The following ATXN7 variants were observed in gnomAD, a reference collection of about 807,000 sequenced individuals.
The protein encoded by ATXN7 is ataxin 7.
Under a neutral mutation model 70.5 loss-of-function variants are expected in ATXN7, and 12 were observed. The observed-to-expected ratio is 0.17, with a 90% CI of 0.11 to 0.28. ATXN7 has a LOEUF of 0.28. ATXN7 is among the 10% of genes least tolerant of loss of function. ATXN7 has a pLI of 1.00. For synonymous variants in ATXN7, 498 were observed against 448.7 expected (o/e 1.11, Z -1.39); for missense variants, 1,256 against 1,131.7 (o/e 1.11, Z -1.58).
At position 63,931,315 on chromosome 3, in the gene ATXN7, C is replaced by G. The variant is rs368947220; in HGVS notation, c.394+18090C>G. On this transcript the variant is annotated intron_variant, in intron 4 of 12. Coordinates refer to ENST00000674280, the MANE Select transcript of ATXN7 (RefSeq NM_001377405.1). Reference sequence around the variant, plus strand: ...TACTAACTTGTAAACACCCGCCCCCCCAAAAAAAAGTAGAGGAGAAAGCAT... The same window carrying G: ...TACTAACTTGTAAACACCCGCCCCCGCAAAAAAAAGTAGAGGAGAAAGCAT... Among the ~76,000 whole-genome samples the G allele has an allele frequency of 5.3e-5, 8 of 151,952 alleles. No individual in the cohort carries two copies. In the East Asian group the frequency reaches 1.4e-3, roughly 26 times the overall value.
At chr3:63,913,011 G>A in intron 3 of ATXN7, 88 bp downstream of exon 3, 2 of 808,516 alleles carry the variant, frequency 2.5e-6, no homozygotes, top group South Asian at 2.0e-5. Flanking sequence ...CCTGTGACCC[G>A]CCCCCTCGAG....
rs951146602 is a variant in ATXN7 at position 63,992,998 on chromosome 3, G to A, written c.1682+2139G>A. Among the ~76,000 whole-genome samples the A allele has an allele frequency of 3.9e-5, 6 of 152,218 alleles. No homozygotes were observed. The East Asian group carries it at 5.8e-4, about 15-fold the overall frequency. On this transcript the variant is annotated intron_variant, in intron 11 of 12. Coordinates refer to ENST00000674280, the MANE Select transcript of ATXN7 (RefSeq NM_001377405.1). ...AAAGTGATCCAGGTCCCACCCTACC[G>A]GCTCAGCCCAAAATCCTTCCTTACA...
At chr3:63,893,684 C>T (rs1223730778) in intron 1 of ATXN7, among the ~76,000 whole-genome samples, 1 of 152,200 alleles carries the variant, frequency 6.6e-6, no homozygotes, top group African/African-American at 2.4e-5. Context: ...GTTACTGGAG[C>T]CCTTCCTCAC....
At position 64,000,694 on chromosome 3, in the gene ATXN7, T is replaced by G. The variant is rs368937006; in HGVS notation, c.*1227T>G. The G allele has an allele frequency of 6.6e-6, 1 of 152,288 alleles. No individual in the cohort carries two copies. Among genetic ancestry groups the G allele is most frequent in the East Asian group, 1.9e-4 (1 of 5,156 alleles). 9.4% of individuals were successfully genotyped at this position (152,288 alleles called of 1,614,324 possible). ...TGTAAGTCCTGACCTGAAGGTCTTTTGTGATGCATGTATAGGATTGCCCTG... is the reference window on the plus strand; with the variant it reads ...TGTAAGTCCTGACCTGAAGGTCTTTGGTGATGCATGTATAGGATTGCCCTG... On this transcript the variant is annotated 3_prime_UTR_variant, in exon 13 of 13. Coordinates refer to ENST00000674280, the MANE Select transcript of ATXN7 (RefSeq NM_001377405.1).
intron 12 of ATXN7, chr3:63,997,625 T>C (rs2075781873): frequency 6.4e-7 from 1 of 1,551,670 alleles, no homozygotes; most frequent in Non-Finnish European, 8.7e-7. Flanking sequence ...CATCAGGATA[T>C]CTCCTCACCT....
chr3:63,948,667 C>T lies in ATXN7; in HGVS notation c.395-3712C>T, dbSNP rs576594203. Among the ~76,000 whole-genome samples the T allele has an allele frequency of 6.6e-5, 10 of 152,270 alleles. No homozygotes were observed. The South Asian group carries it at 2.1e-3, about 32-fold the overall frequency. On this transcript the variant is annotated intron_variant, in intron 4 of 12. Coordinates refer to ENST00000674280, the MANE Select transcript of ATXN7 (RefSeq NM_001377405.1). ...CCACAGTTTGGGGTATGGTTTCTAGCAGAGGGACTTCATTCTGCATGTGAC... is the reference window on the plus strand; with the variant it reads ...CCACAGTTTGGGGTATGGTTTCTAGTAGAGGGACTTCATTCTGCATGTGAC...
At chr3:63,920,736 A>G (rs1704480878) in intron 4 of ATXN7, among the ~76,000 whole-genome samples, 1 of 152,164 alleles carries the variant, frequency 6.6e-6, no homozygotes, top group South Asian at 2.1e-4. Context: ...GGCTTTTTAA[A>G]AAAAGATTAA....
intron 4 of ATXN7, among the ~76,000 whole-genome samples, chr3:63,925,491 C>G (rs143461158): frequency 6.6e-6 from 1 of 152,250 alleles, no homozygotes; most frequent in East Asian, 1.9e-4. Context: ...TGCCTGGGAT[C>G]TAGGTTGCGT....
chr3:63,883,316 G>C (rs973629829), intron 1 of ATXN7, among the ~76,000 whole-genome samples: 4 of 152,164 alleles, frequency 2.6e-5, no homozygotes, highest in Non-Finnish European at 5.9e-5. Context: ...AAAAGTCTGA[G>C]GTCACCAGAG....
Position 63,988,021 on chromosome 3 carries a change from A to G in ATXN7, c.1096-38A>G, listed in dbSNP as rs770991872. On this transcript the variant is annotated intron_variant, in intron 8 of 12. Coordinates refer to ENST00000674280, the MANE Select transcript of ATXN7 (RefSeq NM_001377405.1). ...ATATAAGGCAGACCAAAAATTATTA[A>G]TGAGATTCCTCAGTTTCTGTATTTT... 5.6e-6 allele frequency: 9 copies of G among 1,607,416 alleles called. No homozygotes were observed. In the Admixed American group the frequency reaches 1.4e-4, roughly 25 times the overall value.
intron 5 of ATXN7, among the ~76,000 whole-genome samples, chr3:63,977,431 A>G (rs1286945756): frequency 7.9e-5 from 12 of 152,130 alleles, no homozygotes; most frequent in Admixed American, 7.9e-4. Flanking sequence ...TAAAAGTCAG[A>G]GTTCTAGTTG....
intron 1 of ATXN7, among the ~76,000 whole-genome samples, chr3:63,867,306 A>G (rs1292507200): frequency 6.6e-6 from 1 of 152,200 alleles, no homozygotes; most frequent in Non-Finnish European, 1.5e-5. Flanking sequence ...ATTGAATAAA[A>G]TGGAAGTTAG....
chr3:63,909,534 A>T (rs561241104), intron 2 of ATXN7, among the ~76,000 whole-genome samples: 1 of 152,244 alleles, frequency 6.6e-6, no homozygotes, highest in Non-Finnish European at 1.5e-5. Context: ...AATACAGCTA[A>T]GTATTGGGTT....
intron 4 of ATXN7, among the ~76,000 whole-genome samples, chr3:63,923,279 T>A (rs554178477): frequency 2.6e-5 from 4 of 152,190 alleles, no homozygotes; most frequent in Non-Finnish European, 4.4e-5. Flanking sequence ...CAGCAGATAC[T>A]TAAGTGCCAG....
chr3:63,946,559 C>T (rs2074867324), intron 4 of ATXN7, among the ~76,000 whole-genome samples: 3 of 150,612 alleles, frequency 2.0e-5, no homozygotes, highest in Non-Finnish European at 4.4e-5. Context: ...AGGAGAATGG[C>T]GTGAACCCGG....
chr3:63,913,832 A>G (rs1704155176), intron 4 of ATXN7, among the ~76,000 whole-genome samples: 1 of 152,184 alleles, frequency 6.6e-6, no homozygotes, highest in Admixed American at 6.5e-5. Context: ...ATTATTTGTT[A>G]GTTTTAAACT....
intron 5 of ATXN7, among the ~76,000 whole-genome samples, chr3:63,965,003 G>A (rs1027962050): frequency 1.3e-5 from 2 of 152,158 alleles, no homozygotes; most frequent in Non-Finnish European, 2.9e-5. Context: ...TAGGAACACA[G>A]TATTTCATAA....
At chr3:63,914,619 C>A (rs551537091) in intron 4 of ATXN7, among the ~76,000 whole-genome samples, 2 of 152,180 alleles carry the variant, frequency 1.3e-5, no homozygotes, top group Non-Finnish European at 2.9e-5. Context: ...CTGACCTACT[C>A]TTGTTCTTAG....
intron 2 of ATXN7, chr3:63,912,001 G>A (rs1321500118): frequency 3.9e-5 from 6 of 152,336 alleles, no homozygotes; most frequent in African/African-American, 1.2e-4. Context: ...TCCAGTCCGG[G>A]GGCTTGACGT....
Sources: gnomAD v4.1 joint callset for allele counts (sites outside exome capture counted in the v4.1 genomes callset) on GRCh38, gnomAD v4.1.1 for gene constraint, MANE v1.5 for transcripts, NCBI Gene and HGNC (gene_info 2026-07-23, HGNC 2026-07-21) for gene names.